The following DDX47 variants were observed in gnomAD, a reference collection of about 807,000 sequenced individuals.
DDX47 encodes the protein DEAD-box helicase 47, also known as probable ATP-dependent RNA helicase DDX47.
Under a neutral mutation model 58.8 loss-of-function variants are expected in DDX47, and 60 were observed. The observed-to-expected ratio is 1.02, with a 90% CI of 0.83 to 1.26. The LOEUF (loss-of-function observed/expected upper bound fraction) is 1.26. Among genes scored for constraint, DDX47 ranks in the 50% most tolerant of loss-of-function variants. The pLI, the probability that DDX47 is intolerant of heterozygous loss-of-function variation, is 0.00. For missense variants in DDX47, 530 were observed against 573.2 expected (o/e 0.92, Z 0.77); for synonymous variants, 197 against 204.6 (o/e 0.96, Z 0.32).
rs1862981857 is a variant in DDX47 at position 12,822,021 on chromosome 12, G to A, written c.499G>A (p.Ala167Thr). ...LENTKGFNLR[A>T]LKYLVMDEAD... ...AAATACGAAAGGTTTCAACTTGAGA[G>A]CTCTCAAATACTTGGTCATGGATGA... The change falls in exon 5 of 12, where the codon GCT (alanine) becomes ACT (threonine). Residue 167 changes from alanine to threonine, a missense_variant. Coordinates refer to ENST00000358007, the MANE Select transcript of DDX47 (RefSeq NM_016355.4). 1.2e-6 allele frequency: 2 copies of A among 1,613,978 alleles called. No homozygotes were observed. Among genetic ancestry groups the A allele is most frequent in the Non-Finnish European group, 1.7e-6 (2 of 1,179,966 alleles).
At chr12:12,827,501 C>A in intron 11 of DDX47, 126 bp downstream of exon 11, 1 of 1,132,464 alleles carries the variant, frequency 8.8e-7, no homozygotes, top group Non-Finnish European at 1.3e-6. Flanking sequence ...TTAAGACGAG[C>A]AAACTAAGGT....
intron 2 of DDX47, chr12:12,814,777 G>T (rs1360792899): frequency 6.6e-6 from 1 of 152,404 alleles, no homozygotes; most frequent in Admixed American, 6.5e-5. Context: ...TGCCTTCCAG[G>T]TTCAAGCAAC....
chr12:12,824,198 C>G (rs556502065), intron 8 of DDX47, 182 bp downstream of exon 8: 5 of 734,946 alleles, frequency 6.8e-6, no homozygotes, highest in Admixed American at 6.9e-5. Flanking sequence ...TAGCGAGAGG[C>G]TCCCATTAGA....
chr12:12,818,507 C>G (rs1014172786), intron 2 of DDX47, among the ~76,000 whole-genome samples: 5 of 150,210 alleles, frequency 3.3e-5, no homozygotes, highest in Non-Finnish European at 5.9e-5. Flanking sequence ...GGTGACAGAG[C>G]AAGACTCTGT....
intron 2 of DDX47, among the ~76,000 whole-genome samples, chr12:12,817,899 T>G (rs1229262529): frequency 6.6e-6 from 1 of 152,198 alleles, no homozygotes; most frequent in Non-Finnish European, 1.5e-5. Flanking sequence ...CTAAGCGACT[T>G]CAGCTCCTTT....
At chr12:12,827,200 A>G in intron 10 of DDX47, 46 bp from the exon 11 acceptor site, 1 of 1,601,700 alleles carries the variant, frequency 6.2e-7, no homozygotes, top group Non-Finnish European at 8.5e-7. Flanking sequence ...ATGGACAGGC[A>G]TTTGCGTTAC....
chr12:12,824,601 CTGACG>C lies in DDX47; in HGVS notation c.961_965del (p.Asp321CysfsTer17), dbSNP rs1394133007. 1 of 1,614,078 alleles carries C rather than the reference CTGACG, an allele frequency of 6.2e-7. No homozygotes were observed. Among genetic ancestry groups the C allele is most frequent in the African/African-American group, 1.3e-5 (1 of 74,938 alleles). ...AAGGCCCGTTCCATTCTTCTAGCAA[CTGACG>C]TTGCCAGCCGAGGTTTGGACATACC... is the stretch of plus-strand genomic sequence containing the variant. On this transcript the variant is annotated frameshift_variant, in exon 9 of 12. Transcript: ENST00000358007. LOFTEE classifies it high-confidence loss of function.
chr12:12,816,289 A>G (rs1184269195), intron 2 of DDX47, among the ~76,000 whole-genome samples: 1 of 152,236 alleles, frequency 6.6e-6, no homozygotes, highest in Non-Finnish European at 1.5e-5. Flanking sequence ...ATTGAATAGC[A>G]TGGTGACTAC....
At chr12:12,824,054 G>C in intron 8 of DDX47, 38 bp downstream of exon 8, 1 of 1,597,830 alleles carries the variant, frequency 6.3e-7, no homozygotes, top group Non-Finnish European at 8.5e-7. Context: ...TGCACTGGTG[G>C]CGTGAGCGAG....
chr12:12,824,152 AGT>A, intron 8 of DDX47, 136 bp downstream of exon 8: 1 of 1,115,464 alleles, frequency 9.0e-7, no homozygotes, highest in Non-Finnish European at 1.3e-6. Context: ...TGGGCTTTGA[AGT>A]GTTGCTCTAG....
intron 6 of DDX47, 82 bp downstream of exon 6, chr12:12,822,814 A>G: frequency 8.0e-7 from 1 of 1,251,568 alleles, no homozygotes; most frequent in Non-Finnish European, 1.2e-6. Context: ...GGAAAAATAA[A>G]TTGCTTTAGT....
intron 2 of DDX47, chr12:12,814,455 C>A: frequency 2.2e-6 from 1 of 444,820 alleles, no homozygotes; most frequent in Non-Finnish European, 4.1e-6. Flanking sequence ...TAAGGAAGCC[C>A]TAGGTTAAAG....
At chr12:12,824,736 C>T in intron 9 of DDX47, 59 bp downstream of exon 9, 2 of 1,525,542 alleles carry the variant, frequency 1.3e-6, no homozygotes, top group Non-Finnish European at 1.8e-6. Context: ...AATGGACTGT[C>T]TTCTGTCTTT....
At position 12,813,443 on chromosome 12, in the gene DDX47, T is replaced by C; in HGVS notation, c.76T>C (p.Phe26Leu). 1 of 1,610,598 alleles carries C rather than the reference T, an allele frequency of 6.2e-7. No individual in the cohort carries two copies. The highest frequency in any genetic ancestry group is 2.2e-5 in the East Asian group (1 of 44,658). Reference protein sequence around the residue: ...PIVEEEETKTFKDLGVTDVLC... With the variant: ...PIVEEEETKTLKDLGVTDVLC... ...TGTGGAAGAGGAGGAAACTAAAACA[T>C]TTAAAGACCTGGTGAGAATGGATGA... Residue 26 changes from phenylalanine to leucine, a missense_variant, in exon 1 of 12, where the codon TTT becomes CTT. By Grantham distance (22) the Phe-to-Leu change is conservative. Coordinates refer to ENST00000358007, the MANE Select transcript of DDX47 (RefSeq NM_016355.4).
chr12:12,824,483 GT>G, intron 8 of DDX47, 56 bp from the exon 9 acceptor site: 1 of 1,566,984 alleles, frequency 6.4e-7, no homozygotes, highest in Non-Finnish European at 8.6e-7. Context: ...TCTATTTTGT[GT>G]TTTGTATTCC....
chr12:12,823,068 T>A (rs1013860421), intron 6 of DDX47, 135 bp from the exon 7 acceptor site: 8 of 688,044 alleles, frequency 1.2e-5, no homozygotes, highest in Admixed American at 4.7e-5. Flanking sequence ...TCCAATAACC[T>A]CCCACCAGGT....
chr12:12,813,983 A>G (rs1862854403), intron 1 of DDX47, 148 bp from the exon 2 acceptor site: 1 of 648,498 alleles, frequency 1.5e-6, no homozygotes, highest in Non-Finnish European at 2.8e-6. Context: ...GTCTCATGGT[A>G]TAGTTAAAGA....
intron 2 of DDX47, among the ~76,000 whole-genome samples, chr12:12,818,988 A>T (rs1235924349): frequency 6.6e-6 from 1 of 152,200 alleles, no homozygotes; most frequent in Non-Finnish European, 1.5e-5. Flanking sequence ...GTGGGGACAC[A>T]GCCAAACCAT....
chr12:12,829,341 T>C (rs1301361350), intron 11 of DDX47, 82 bp from the exon 12 acceptor site: 11 of 1,466,138 alleles, frequency 7.5e-6, no homozygotes, highest in Non-Finnish European at 1.0e-5. Context: ...TGATACTTGA[T>C]CTTAAGGAGA....
Sources: allele counts gnomAD v4.1 joint callset (sites outside exome capture counted in the v4.1 genomes callset), GRCh38; gene constraint gnomAD v4.1.1; transcripts MANE v1.5; gene names NCBI Gene and HGNC (gene_info 2026-07-23, HGNC 2026-07-21).